PALS2: variants seen among roughly 807,000 people sequenced by gnomAD.
PALS2 encodes the protein protein associated with LIN7 2, MAGUK p55 family member.
Under a neutral mutation model 61.6 loss-of-function variants are expected in PALS2, and 27 were observed. That is an observed-to-expected ratio of 0.44 (90% CI 0.32 to 0.60). The LOEUF (loss-of-function observed/expected upper bound fraction) is 0.60. PALS2 is among the 20% of genes least tolerant of loss of function. PALS2 has a pLI of 0.05. For synonymous variants in PALS2, 236 were observed against 218.6 expected (o/e 1.08, Z -0.70); for missense variants, 554 against 639.4 (o/e 0.87, Z 1.44).
chr7:24,574,592 T>A (rs1782578828), intron 1 of PALS2, among the ~76,000 whole-genome samples: 1 of 152,088 alleles, frequency 6.6e-6, no homozygotes, highest in Non-Finnish European at 1.5e-5. Flanking sequence ...TTCTCCGCAT[T>A]ACTTATAAAC....
Position 24,668,668 on chromosome 7 carries a change from T to C in PALS2, c.1114+8T>C. On this transcript the variant is annotated splice_region_variant and intron_variant, in intron 9 of 11. Transcript: ENST00000222644. ...TTGGAACTACGGTGCCATGTAAGTTTTCTGTGTTTTCCTTGCTATGCAATT... is the reference window on the plus strand; with the variant it reads ...TTGGAACTACGGTGCCATGTAAGTTCTCTGTGTTTTCCTTGCTATGCAATT... 2 of 1,613,358 alleles carry C rather than the reference T, an allele frequency of 1.2e-6. No individual in the cohort carries two copies. The highest frequency in any genetic ancestry group is 8.5e-7 in the Non-Finnish European group (1 of 1,179,694).
At position 24,679,265 on chromosome 7, in the gene PALS2, A is replaced by G; in HGVS notation, c.1249A>G (p.Thr417Ala). The change falls in exon 10 of 12, where the codon ACC becomes GCC. Residue 417 changes from threonine to alanine, a missense_variant. Coordinates refer to ENST00000222644, the MANE Select transcript of PALS2 (RefSeq NM_001303037.2). ...HGEYEGNLYG[T>A]KIDSILEVVQ... ...GGAATATGAAGGAAATCTCTATGGA[A>G]CCAAAATTGATTCTATTCTTGAGGT... is the stretch of plus-strand genomic sequence containing the variant. 1 of 1,614,110 alleles carries G rather than the reference A, an allele frequency of 6.2e-7. No homozygotes were observed. The highest frequency in any genetic ancestry group is 8.5e-7 in the Non-Finnish European group (1 of 1,179,964).
rs182682625 is a variant in PALS2 at position 24,679,855 on chromosome 7, A to G, written c.1317+522A>G. Among the ~76,000 whole-genome samples the G allele has an allele frequency of 3.2e-3, 486 of 152,256 alleles. 1 individual carries two copies. The highest frequency in any genetic ancestry group is 0.01 in the African/African-American group (431 of 41,558). ...TATGTCTCTTTCTAGTCATTTCACTATGCCTTAAATACAAATATATATAAG... is the reference window on the plus strand; with the variant it reads ...TATGTCTCTTTCTAGTCATTTCACTGTGCCTTAAATACAAATATATATAAG... On this transcript the variant is annotated intron_variant, in intron 10 of 11. Coordinates refer to ENST00000222644, the MANE Select transcript of PALS2 (RefSeq NM_001303037.2).
At chr7:24,658,627 G>A (rs903160548) in intron 5 of PALS2, among the ~76,000 whole-genome samples, 2 of 151,108 alleles carry the variant, frequency 1.3e-5, no homozygotes, top group Non-Finnish European at 2.9e-5. Flanking sequence ...CACGATCTCG[G>A]CTCACTGCAA....
At position 24,690,576 on chromosome 7, in the gene PALS2, T is replaced by C. The variant is rs1000483606; in HGVS notation, c.*2962T>C. On this transcript the variant is annotated 3_prime_UTR_variant, in exon 12 of 12. Transcript: ENST00000222644. ...ATATATATATTTTTTCATTTTCAAA[T>C]GTACAAATACCCATAGAGGTGATGT... The C allele has an allele frequency of 6.6e-6, 1 of 152,198 alleles. No homozygotes were observed. Among genetic ancestry groups the C allele is most frequent in the African/African-American group, 2.4e-5 (1 of 41,452 alleles). The allele number at this position is 152,198 out of a possible 1,614,324, so 9.4% of individuals were successfully genotyped here. A position where few individuals can be genotyped will look rare whatever the true frequency, so the allele number is the denominator to read the frequency against.
At chr7:24,622,923 TTGTC>T (rs1784581242) in intron 1 of PALS2, among the ~76,000 whole-genome samples, 1 of 151,954 alleles carries the variant, frequency 6.6e-6, no homozygotes, top group Non-Finnish European at 1.5e-5. Context: ...ATGATTTTCT[TTGTC>T]TGAAGTGTCA....
intron 2 of PALS2, among the ~76,000 whole-genome samples, chr7:24,629,877 C>G (rs1322785685): frequency 1.3e-5 from 2 of 152,098 alleles, no homozygotes; most frequent in African/African-American, 4.8e-5. Context: ...TACACTGTTG[C>G]TGGGAGTGTA....
At chr7:24,659,038 G>T (rs544609374) in intron 5 of PALS2, among the ~76,000 whole-genome samples, 62 of 152,190 alleles carry the variant, frequency 4.1e-4, no homozygotes, top group African/African-American at 1.3e-3. Context: ...AGGGTCTGTT[G>T]TTCCCCTCTT....
chr7:24,583,541 C>T (rs1782930377), intron 1 of PALS2, among the ~76,000 whole-genome samples: 1 of 151,890 alleles, frequency 6.6e-6, no homozygotes, highest in African/African-American at 2.4e-5. Context: ...AAACTTTTCA[C>T]GACTTTCAAT....
chr7:24,611,454 T>G (rs969091467), intron 1 of PALS2, among the ~76,000 whole-genome samples: 1 of 152,030 alleles, frequency 6.6e-6, no homozygotes, highest in Non-Finnish European at 1.5e-5. Flanking sequence ...TTGATTTTGG[T>G]AACAGAAAAA....
intron 11 of PALS2, among the ~76,000 whole-genome samples, chr7:24,682,591 C>G (rs1787993340): frequency 6.6e-6 from 1 of 152,242 alleles, no homozygotes; most frequent in African/African-American, 2.4e-5. Flanking sequence ...TTTCTATGAT[C>G]TGTTTTTAAT....
intron 6 of PALS2, among the ~76,000 whole-genome samples, chr7:24,664,573 T>C (rs1786915914): frequency 6.6e-6 from 1 of 152,180 alleles, no homozygotes; most frequent in Non-Finnish European, 1.5e-5. Flanking sequence ...ACATTAGCTC[T>C]AAATTATAGA....
At position 24,693,954 on chromosome 7, in the gene PALS2, C is replaced by G. The variant is rs1416107241; in HGVS notation, c.*6340C>G. 1.3e-5 allele frequency: 2 copies of G among 151,588 alleles called. No individual in the cohort carries two copies. The highest frequency in any genetic ancestry group is 4.9e-5 in the African/African-American group (2 of 41,214). The allele number at this position is 151,588 out of a possible 1,614,324, so 9.4% of individuals were successfully genotyped here. On this transcript the variant is annotated 3_prime_UTR_variant, in exon 12 of 12. Coordinates refer to ENST00000222644, the MANE Select transcript of PALS2 (RefSeq NM_001303037.2). ...CTTTTATTTGAACACAAGACGCATG[C>G]TTTTTTAAACCTCTAGTTTTTGAAG...
At chr7:24,655,630 AT>A (rs770410952) in intron 5 of PALS2, among the ~76,000 whole-genome samples, 17,710 of 96,492 alleles carry the variant, frequency 0.18, 1,054 homozygotes, top group African/African-American at 0.3. Flanking sequence ...TAGTTAGTAG[AT>A]TTTTTTTTTT....
rs114711996 is a variant in PALS2, at chr7:24,678,088, G to A, written c.1115-1043G>A. Reference sequence around the variant, plus strand: ...TAGAAACAGGATACTTCTTATATCCGATCCAGCAAAGCCCAGAGTAAGGCT... The same window carrying A: ...TAGAAACAGGATACTTCTTATATCCAATCCAGCAAAGCCCAGAGTAAGGCT... On this transcript the variant is annotated intron_variant, in intron 9 of 11. Coordinates refer to ENST00000222644, the MANE Select transcript of PALS2 (RefSeq NM_001303037.2). Among the ~76,000 whole-genome samples, 1,266 of 152,228 alleles carry A rather than the reference G, an allele frequency of 8.3e-3. 15 individuals are homozygous for A. Among genetic ancestry groups the A allele is most frequent in the African/African-American group, 0.028 (1,169 of 41,542 alleles).
rs569125708 is a variant in PALS2 at position 24,607,480 on chromosome 7, C to G, written c.-2-16186C>G. Among the ~76,000 whole-genome samples, 159 of 151,118 alleles carry G rather than the reference C, an allele frequency of 1.1e-3. 1 individual carries two copies. Among genetic ancestry groups the G allele is most frequent in the African/African-American group, 3.5e-3 (145 of 41,202 alleles). On this transcript the variant is annotated intron_variant, in intron 1 of 11. Coordinates refer to ENST00000222644, the MANE Select transcript of PALS2 (RefSeq NM_001303037.2). ...TATGTGTATCTCTCTCTCTCTCTCT[C>G]TGAACACACACATGATATATATGTG...
intron 1 of PALS2, among the ~76,000 whole-genome samples, chr7:24,593,619 C>A (rs899288847): frequency 1.3e-5 from 2 of 152,106 alleles, no homozygotes; most frequent in Non-Finnish European, 2.9e-5. Context: ...AAATAACATT[C>A]ATCTGCTGTG....
intron 9 of PALS2, among the ~76,000 whole-genome samples, chr7:24,669,794 C>T (rs1254476018): frequency 1.3e-5 from 2 of 152,148 alleles, no homozygotes; most frequent in Admixed American, 1.3e-4. Flanking sequence ...TCTTCTGATT[C>T]TACTGCAGGC....
At chr7:24,644,180 T>C (rs371607268) in intron 3 of PALS2, among the ~76,000 whole-genome samples, 2 of 151,846 alleles carry the variant, frequency 1.3e-5, no homozygotes, top group African/African-American at 4.8e-5. Context: ...AATGGGGGTT[T>C]GTTGTACATA....
Sources: allele counts gnomAD v4.1 joint callset (sites outside exome capture counted in the v4.1 genomes callset), GRCh38; gene constraint gnomAD v4.1.1; transcripts MANE v1.5; gene names NCBI Gene and HGNC (gene_info 2026-07-23, HGNC 2026-07-21).